EPB41L2: variants seen among roughly 807,000 people sequenced by gnomAD.
EPB41L2 encodes erythrocyte membrane protein band 4.1 like 2.
A neutral mutation model predicts 113.0 loss-of-function variants in EPB41L2; 43 were observed. The ratio of observed to expected loss-of-function variants is 0.38; its 90% CI spans 0.30 to 0.49. The LOEUF is 0.49. EPB41L2 is among the 20% of genes least tolerant of loss of function. The pLI, the probability that EPB41L2 is intolerant of heterozygous loss-of-function variation, is 0.95. For synonymous variants in EPB41L2, 442 were observed against 436.7 expected (o/e 1.01, Z -0.15); for missense variants, 1,147 against 1,223.4 (o/e 0.94, Z 0.93).
In EPB41L2 at chr6:130,867,450, C is replaced by T; in HGVS notation, c.2730+9G>A. 6.2e-7 allele frequency: 1 copy of T among 1,613,794 alleles called. No homozygotes were observed. The highest frequency in any genetic ancestry group is 1.1e-5 in the South Asian group (1 of 91,056). On this transcript the variant is annotated intron_variant, in intron 16 of 19. Transcript: ENST00000337057. Reference sequence around the variant, plus strand: ...GAGCTCGAACAGTCCAAGTCTAGAGCTTTTGTACCTGTGGAGACTCATATG... The same window carrying T: ...GAGCTCGAACAGTCCAAGTCTAGAGTTTTTGTACCTGTGGAGACTCATATG...
At chr6:131,004,863 G>A (rs1293320911) in intron 1 of EPB41L2, among the ~76,000 whole-genome samples, 1 of 152,092 alleles carries the variant, frequency 6.6e-6, no homozygotes, top group African/African-American at 2.4e-5. Context: ...GCTTCCCACT[G>A]CCAGCATCTG....
intron 1 of EPB41L2, among the ~76,000 whole-genome samples, chr6:131,055,891 G>A (rs987586522): frequency 2.6e-5 from 4 of 152,086 alleles, no homozygotes; most frequent in African/African-American, 9.7e-5. Flanking sequence ...AAAGCTTCAG[G>A]CCTTACAGGA....
At chr6:130,912,336 T>C (rs1799669945) in intron 4 of EPB41L2, among the ~76,000 whole-genome samples, 1 of 152,212 alleles carries the variant, frequency 6.6e-6, no homozygotes, top group Admixed American at 6.5e-5. Flanking sequence ...GCTGTCTTAA[T>C]ACCATATTAA....
At chr6:130,864,570 A>C (rs746033710) in intron 17 of EPB41L2, among the ~76,000 whole-genome samples, 2 of 152,172 alleles carry the variant, frequency 1.3e-5, no homozygotes, top group Non-Finnish European at 2.9e-5. Flanking sequence ...TGACCTTCTA[A>C]ACAGTCAATA....
intron 1 of EPB41L2, among the ~76,000 whole-genome samples, chr6:131,060,037 C>G (rs376104946): frequency 2.0e-5 from 3 of 152,224 alleles, no homozygotes; most frequent in East Asian, 3.9e-4. Flanking sequence ...AAACTAGTAG[C>G]AATTCACACT....
intron 5 of EPB41L2, among the ~76,000 whole-genome samples, chr6:130,905,047 A>C (rs1797322821): frequency 6.6e-6 from 1 of 152,148 alleles, no homozygotes; most frequent in Non-Finnish European, 1.5e-5. Flanking sequence ...GATCCCAAGA[A>C]GGGAAAGCAT....
At chr6:131,054,479 G>A (rs910777842) in intron 1 of EPB41L2, among the ~76,000 whole-genome samples, 1 of 152,168 alleles carries the variant, frequency 6.6e-6, no homozygotes, top group Non-Finnish European at 1.5e-5. Flanking sequence ...CCAAGTTGGT[G>A]CAAGTCCCTA....
intron 4 of EPB41L2, 27 bp from the exon 5 acceptor site, chr6:130,908,890 TAAG>T: frequency 6.5e-7 from 1 of 1,547,624 alleles, no homozygotes; most frequent in South Asian, 1.1e-5. Context: ...AATTAATTCA[TAAG>T]AAATATTCTA....
chr6:130,929,453 A>G (rs1278170423), intron 3 of EPB41L2, among the ~76,000 whole-genome samples: 1 of 152,226 alleles, frequency 6.6e-6, no homozygotes, highest in Non-Finnish European at 1.5e-5. Flanking sequence ...AGCCATCCAG[A>G]ATAAACAAGC....
Position 131,029,626 on chromosome 6 carries a change from C to T in EPB41L2, c.-15+33529G>A, listed in dbSNP as rs17059997. Among the ~76,000 whole-genome samples the T allele has an allele frequency of 1.7e-3, 264 of 152,276 alleles. 5 individuals are homozygous for T. The East Asian group carries it at 0.041, about 23-fold the overall frequency. On this transcript the variant is annotated intron_variant, in intron 1 of 19. Transcript: ENST00000337057. ...AGAAATTAAAAGTTCATTCTCCCAC[C>T]TCAACGCCCATGGAATCCTGAATGT...
rs1050777455 is a variant in EPB41L2, at chr6:130,950,498, A to T, written c.705+4607T>A. ...GCTGTAACTAACTCGGGAAAAAAAA[A>T]TTTAAAAATTTGAATCAACGATTTA... On this transcript the variant is annotated intron_variant, in intron 3 of 19. Coordinates refer to ENST00000337057, the MANE Select transcript of EPB41L2 (RefSeq NM_001431.4). Among the ~76,000 whole-genome samples the T allele has an allele frequency of 5.3e-5, 8 of 152,280 alleles. No homozygotes were observed. In the East Asian group the frequency reaches 1.5e-3, roughly 29 times the overall value.
At position 130,890,472 on chromosome 6, in the gene EPB41L2, G is replaced by C; in HGVS notation, c.1488-6C>G. 1.3e-6 allele frequency: 2 copies of C among 1,514,462 alleles called. No individual in the cohort carries two copies. Among genetic ancestry groups the C allele is most frequent in the Non-Finnish European group, 1.8e-6 (2 of 1,139,444 alleles). 93.8% of individuals were successfully genotyped at this position (1,514,462 alleles called of 1,614,324 possible). A position where few individuals can be genotyped will look rare whatever the true frequency, so the allele number is the denominator to read the frequency against. On this transcript the variant is annotated splice_polypyrimidine_tract_variant and splice_region_variant and intron_variant, in intron 10 of 19. Transcript: ENST00000337057. Reference sequence around the variant, plus strand: ...GCTGCTCTGGAGAAACAAGCCTATGGGAGGAAAAAAAAAAAAAAAGAGAGA... The same window carrying C: ...GCTGCTCTGGAGAAACAAGCCTATGCGAGGAAAAAAAAAAAAAAAGAGAGA...
intron 3 of EPB41L2, among the ~76,000 whole-genome samples, chr6:130,940,981 T>C (rs1184153690): frequency 2.6e-5 from 4 of 152,220 alleles, no homozygotes; most frequent in Non-Finnish European, 1.5e-5. Context: ...ATGTAAAGCT[T>C]ATCTCTGAAA....
At chr6:130,867,899 G>A in intron 15 of EPB41L2, 2 of 318,210 alleles carry the variant, frequency 6.3e-6, no homozygotes, top group Non-Finnish European at 1.2e-5. Flanking sequence ...AAATTAAGAT[G>A]GTCCCAAACT....
At chr6:131,028,193 A>G (rs1209160583) in intron 1 of EPB41L2, among the ~76,000 whole-genome samples, 1 of 152,232 alleles carries the variant, frequency 6.6e-6, no homozygotes, top group Non-Finnish European at 1.5e-5. Flanking sequence ...GTTTTAAAAT[A>G]CTATTTCTGG....
chr6:130,881,663 G>T (rs1293743821), intron 12 of EPB41L2: 1 of 151,858 alleles, frequency 6.6e-6, no homozygotes, highest in Non-Finnish European at 1.5e-5. Flanking sequence ...ACAGAGGTAG[G>T]ATACTTGAAA....
intron 19 of EPB41L2, among the ~76,000 whole-genome samples, chr6:130,844,183 C>A (rs7760965): frequency 7.2e-5 from 11 of 152,032 alleles, no homozygotes; most frequent in Admixed American, 5.2e-4. Flanking sequence ...GCAAATAATA[C>A]AAGAAAACAA....
chr6:131,004,993 T>C (rs1785149453), intron 1 of EPB41L2, among the ~76,000 whole-genome samples: 1 of 152,238 alleles, frequency 6.6e-6, no homozygotes, highest in Non-Finnish European at 1.5e-5. Context: ...AATCAAGAAA[T>C]GGATAAGAAA....
chr6:131,004,442 C>T (rs1205939364), intron 1 of EPB41L2, among the ~76,000 whole-genome samples: 4 of 152,128 alleles, frequency 2.6e-5, no homozygotes, highest in African/African-American at 9.7e-5. Context: ...TTCACAGAAA[C>T]AGTCATTAAA....
Sources: gnomAD v4.1 joint callset for allele counts (sites outside exome capture counted in the v4.1 genomes callset) on GRCh38, gnomAD v4.1.1 for gene constraint, MANE v1.5 for transcripts, NCBI Gene and HGNC (gene_info 2026-07-23, HGNC 2026-07-21) for gene names.